Variants in AAMDC observed in about 807,000 individuals in gnomAD.
AAMDC encodes mth938 domain-containing protein.
A neutral mutation model predicts 15.5 loss-of-function variants in AAMDC; 16 were observed. That is an observed-to-expected ratio of 1.03 (90% CI 0.70 to 1.57). AAMDC has a LOEUF of 1.57. Ranked by LOEUF, AAMDC falls within the 40% of genes most tolerant of loss-of-function variation. AAMDC has a pLI of 0.00. For synonymous variants in AAMDC, 51 were observed against 51.6 expected (o/e 0.99, Z 0.05); for missense variants, 141 against 144.9 (o/e 0.97, Z 0.14).
chr11:77,869,556 A>G, intron 2 of AAMDC, 166 bp from the exon 3 acceptor site: 1 of 573,160 alleles, frequency 1.7e-6, no homozygotes, highest in South Asian at 2.0e-5. Flanking sequence ...GGTTCAAGGG[A>G]TCCTGCCTCG....
At chr11:77,871,672 A>G (rs1204157649) in intron 3 of AAMDC, among the ~76,000 whole-genome samples, 1 of 152,222 alleles carries the variant, frequency 6.6e-6, no homozygotes, top group Admixed American at 6.5e-5. Flanking sequence ...GACTTTAAAG[A>G]GCTAGCCTAA....
chr11:77,846,959 T>A (rs747706582), intron 2 of AAMDC, among the ~76,000 whole-genome samples: 1 of 152,134 alleles, frequency 6.6e-6, no homozygotes, highest in Non-Finnish European at 1.5e-5. Flanking sequence ...CAATCTGGGA[T>A]CACTTTTAAT....
At chr11:77,868,143 C>T (rs1022903034) in intron 2 of AAMDC, among the ~76,000 whole-genome samples, 1 of 150,288 alleles carries the variant, frequency 6.7e-6, no homozygotes, top group Non-Finnish European at 1.5e-5. Context: ...GCAAGCTCTG[C>T]CTCCCAGGTT....
At chr11:77,826,035 G>A (rs979155608) in intron 1 of AAMDC, among the ~76,000 whole-genome samples, 1 of 152,082 alleles carries the variant, frequency 6.6e-6, no homozygotes, top group Non-Finnish European at 1.5e-5. Flanking sequence ...TCTCTGACAA[G>A]CCTGGCTAAG....
Position 77,828,298 on chromosome 11 carries a change from C to CA in AAMDC, c.-19+7064dup, listed in dbSNP as rs550140786. ...TCAAAAAAACAAAATACACAAACAG[C>CA]AAAAAAATGATATCAATAACTCCAT... On this transcript the variant is annotated intron_variant, in intron 1 of 3. Coordinates refer to ENST00000393427, the MANE Select transcript of AAMDC (RefSeq NM_024684.4). 1.5e-4 allele frequency among the ~76,000 whole-genome samples: 22 copies of CA among 150,932 alleles called. 1 individual carries two copies. In the South Asian group the frequency reaches 4.0e-3, roughly 27 times the overall value.
chr11:77,853,349 G>T (rs1950478791), intron 2 of AAMDC, among the ~76,000 whole-genome samples: 1 of 152,146 alleles, frequency 6.6e-6, no homozygotes, highest in Non-Finnish European at 1.5e-5. Flanking sequence ...GAGGCCTCAG[G>T]AAACTTACAA....
At chr11:77,854,292 A>G (rs933776649) in intron 2 of AAMDC, among the ~76,000 whole-genome samples, 1 of 152,032 alleles carries the variant, frequency 6.6e-6, no homozygotes, top group African/African-American at 2.4e-5. Flanking sequence ...GTGCCCGGCT[A>G]TCCTCCAAAT....
intron 1 of AAMDC, among the ~76,000 whole-genome samples, chr11:77,825,107 A>C (rs897043787): frequency 3.3e-5 from 5 of 152,046 alleles, no homozygotes; most frequent in Non-Finnish European, 7.4e-5. Context: ...CAGCCTCCCG[A>C]GTAGCTGGGG....
intron 5 of AAMDC, chr11:77,884,759 CT>C (rs771237448): frequency 6.1e-4 from 231 of 381,296 alleles, no homozygotes; most frequent in East Asian, 8.6e-4. Context: ...TTCTTTCTTT[CT>C]TTTTTTTTCT....
chr11:77,863,203 C>T (rs636971), intron 2 of AAMDC, among the ~76,000 whole-genome samples: 34,893 of 152,020 alleles, frequency 0.23, 4,112 homozygotes, highest in Middle Eastern at 0.25. Flanking sequence ...TTGATTAGGA[C>T]GAACCCGGGC....
At chr11:77,891,741 GACC>G (rs1254913169) in intron 5 of AAMDC, 1 of 1,611,832 alleles carries the variant, frequency 6.2e-7, no homozygotes, top group Non-Finnish European at 8.5e-7. Context: ...GTAGAATTTT[GACC>G]ACTTCTGCAG....
chr11:77,891,453 C>T, intron 5 of AAMDC: 1 of 1,613,804 alleles, frequency 6.2e-7, no homozygotes, highest in Non-Finnish European at 8.5e-7. Flanking sequence ...GTGGCTGAGG[C>T]TTTGTGGATC....
chr11:77,903,420 G>T (rs373194953), downstream of AAMDC: 15,183 of 1,531,562 alleles, frequency 9.9e-3, no homozygotes, highest in Non-Finnish European at 0.011. Flanking sequence ...GCAGCTACAT[G>T]CCACAACTTT....
intron 2 of AAMDC, among the ~76,000 whole-genome samples, chr11:77,849,932 A>G (rs1304317092): frequency 6.6e-6 from 1 of 152,186 alleles, no homozygotes; most frequent in Non-Finnish European, 1.5e-5. Context: ...CTGTGCCTCT[A>G]TTATAGCACT....
At chr11:77,889,477 C>A (rs570685714) in intron 5 of AAMDC, among the ~76,000 whole-genome samples, 1 of 152,136 alleles carries the variant, frequency 6.6e-6, no homozygotes, top group African/African-American at 2.4e-5. Context: ...AGCACACCAG[C>A]ATGGCACATG....
chr11:77,842,773 G>T, intron 2 of AAMDC, 145 bp downstream of exon 2: 2 of 1,162,934 alleles, frequency 1.7e-6, no homozygotes, highest in Non-Finnish European at 2.4e-6. Flanking sequence ...CCCTTTTAAA[G>T]TATGCAATTC....
At chr11:77,903,655 A>G (rs756460091), downstream of AAMDC, 240 of 1,547,698 alleles carry the variant, frequency 1.6e-4, no homozygotes, top group Non-Finnish European at 8.9e-6. Flanking sequence ...CAGAATACCG[A>G]GGTCACAAAG....
downstream of AAMDC, among the ~76,000 whole-genome samples, chr11:77,905,536 A>T (rs749194192): frequency 1.3e-5 from 2 of 152,134 alleles, no homozygotes; most frequent in Non-Finnish European, 2.9e-5. Context: ...TGACTCCATG[A>T]AAGTGCATCA....
chr11:77,832,949 ATATGTG>A (rs1292636535), intron 1 of AAMDC, among the ~76,000 whole-genome samples: 3,170 of 96,174 alleles, frequency 0.033, 156 homozygotes, highest in Non-Finnish European at 0.042. Flanking sequence ...TTGTATATAT[ATATGTG>A]TGTGTGTGTG....
Sources: gnomAD v4.1 joint callset for allele counts (sites outside exome capture counted in the v4.1 genomes callset) on GRCh38, gnomAD v4.1.1 for gene constraint, MANE v1.5 for transcripts, NCBI Gene and HGNC (gene_info 2026-07-23, HGNC 2026-07-21) for gene names.